The following ABCB11 variants were observed in gnomAD, a reference collection of about 807,000 sequenced individuals.
ABCB11 encodes bile salt export pump.
ABCB11 carries 95 observed loss-of-function variants against 148.0 expected under a neutral mutation model. The ratio of observed to expected loss-of-function variants is 0.64; its 90% CI spans 0.54 to 0.76. The LOEUF (loss-of-function observed/expected upper bound fraction) is 0.76, where lower values mean the gene tolerates loss of function less well. ABCB11 is among the 30% of genes least tolerant of loss of function. The probability of loss-of-function intolerance (pLI) is 0.00; values close to 1 mark genes in which losing one functional copy is unlikely to be tolerated. For missense variants in ABCB11, 1,523 were observed against 1,617.8 expected (o/e 0.94, Z 1.01); for synonymous variants, 591 against 555.4 (o/e 1.06, Z -0.90).
At chr2:169,015,859 G>A (rs116464384) in intron 3 of ABCB11, among the ~76,000 whole-genome samples, 3,612 of 152,064 alleles carry the variant, frequency 0.024, 69 homozygotes, top group African/African-American at 0.041. Flanking sequence ...TTCTATACCC[G>A]CAGCACCTAC....
chr2:168,953,838 G>C (rs116584854), intron 19 of ABCB11, among the ~76,000 whole-genome samples: 2 of 151,566 alleles, frequency 1.3e-5, no homozygotes, highest in Non-Finnish European at 3.0e-5. Context: ...CCTTTGGAGA[G>C]GCTAATCAGA....
chr2:168,983,876 C>T (rs1694220960), intron 10 of ABCB11, among the ~76,000 whole-genome samples: 2 of 152,128 alleles, frequency 1.3e-5, no homozygotes, highest in Admixed American at 6.6e-5. Context: ...TCCCTATTTA[C>T]TTGCAGGGCA....
At chr2:168,967,227 A>T (rs1421823436) in intron 17 of ABCB11, among the ~76,000 whole-genome samples, 1 of 151,880 alleles carries the variant, frequency 6.6e-6, no homozygotes, top group Non-Finnish European at 1.5e-5. Flanking sequence ...GGTGCCTATA[A>T]CATTGTTTTA....
Position 168,935,261 on chromosome 2 carries a change from A to C in ABCB11, c.2979T>G (p.Phe993Leu). 1.2e-6 allele frequency: 2 copies of C among 1,613,996 alleles called. No individual in the cohort carries two copies. The highest frequency in any genetic ancestry group is 1.7e-6 in the Non-Finnish European group (2 of 1,179,880). The change falls in exon 23 of 28, where the codon TTT becomes TTG. Residue 993 changes from phenylalanine to leucine, a missense_variant. Coordinates refer to ENST00000650372, the MANE Select transcript of ABCB11 (RefSeq NM_003742.4). ...FCFAFAQCIM[F>L]IANSASYRYG... ...ATCTGTAGGAAGCAGAATTCGCAAT[A>C]AACATGATGCACTGGGCAAAGGCAA...
chr2:168,917,390 G>T (rs1457352740), downstream of ABCB11, among the ~76,000 whole-genome samples: 1 of 152,086 alleles, frequency 6.6e-6, no homozygotes, highest in Admixed American at 6.5e-5. Flanking sequence ...AATCATAAAT[G>T]GTTCTTACAG....
At chr2:168,936,919 C>T (rs1691858838) in intron 21 of ABCB11, among the ~76,000 whole-genome samples, 1 of 152,024 alleles carries the variant, frequency 6.6e-6, no homozygotes, top group African/African-American at 2.4e-5. Flanking sequence ...GACAAGGTCT[C>T]ACTCTGTCAC....
chr2:169,011,292 G>T (rs1695179786), intron 5 of ABCB11, among the ~76,000 whole-genome samples: 2 of 152,114 alleles, frequency 1.3e-5, no homozygotes, highest in Non-Finnish European at 2.9e-5. Flanking sequence ...ACATAGGTCT[G>T]AATGCATTTT....
chr2:168,986,947 A>C (rs1347468873), intron 9 of ABCB11, among the ~76,000 whole-genome samples: 1 of 152,190 alleles, frequency 6.6e-6, no homozygotes, highest in Non-Finnish European at 1.5e-5. Context: ...AATTGAATTC[A>C]TGGAGAACTT....
At chr2:169,023,740 A>T (rs1695605654) in intron 1 of ABCB11, among the ~76,000 whole-genome samples, 1 of 152,216 alleles carries the variant, frequency 6.6e-6, no homozygotes, top group Admixed American at 6.5e-5. Context: ...ACGCAGTAGA[A>T]ATATAAAGAC....
intron 21 of ABCB11, among the ~76,000 whole-genome samples, chr2:168,939,089 T>TTGTC (rs5836213): frequency 6.6e-6 from 1 of 151,838 alleles, no homozygotes; most frequent in Non-Finnish European, 1.5e-5. Flanking sequence ...CTTTTTCTGT[T>TTGTC]GATGGATATT....
intron 27 of ABCB11, among the ~76,000 whole-genome samples, chr2:168,924,389 A>C (rs1322665472): frequency 6.6e-6 from 1 of 152,198 alleles, no homozygotes. Flanking sequence ...TTATTCAAGA[A>C]AGGTGATTAT....
chr2:168,929,407 A>G (rs1471998564), intron 25 of ABCB11, among the ~76,000 whole-genome samples: 1 of 152,182 alleles, frequency 6.6e-6, no homozygotes, highest in African/African-American at 2.4e-5. Context: ...GAATGCAAGA[A>G]AAAAAGAAAC....
At chr2:168,935,558 T>C in intron 22 of ABCB11, 133 bp from the exon 23 acceptor site, 1 of 1,228,654 alleles carries the variant, frequency 8.1e-7, no homozygotes, top group Non-Finnish European at 1.1e-6. Flanking sequence ...CATCTGGGAA[T>C]ACAAAGACGT....
At chr2:168,935,091 T>C (rs1054199112) in intron 23 of ABCB11, 93 bp downstream of exon 23, 54 of 1,511,618 alleles carry the variant, frequency 3.6e-5, no homozygotes, top group East Asian at 6.8e-5. Context: ...AAGCTTGGGA[T>C]GGTTTGCTAA....
intron 19 of ABCB11, among the ~76,000 whole-genome samples, chr2:168,956,087 T>C (rs1189421287): frequency 6.6e-6 from 1 of 151,666 alleles, no homozygotes. Flanking sequence ...AAACTTACAA[T>C]CATGGCAGAA....
At position 168,968,790 on chromosome 2, in the gene ABCB11, C is replaced by CA. The variant is rs4148788; in HGVS notation, c.2012-301dup. Reference sequence around the variant, plus strand: ...TTTAAGAGAAGTCCATCAGAAGTAGCAAAAAAAAAATGATAGAAACACTAA... The same window carrying CA: ...TTTAAGAGAAGTCCATCAGAAGTAGCAAAAAAAAAAATGATAGAAACACTAA... On this transcript the variant is annotated intron_variant, in intron 16 of 27. Transcript: ENST00000650372. 0.53 allele frequency among the ~76,000 whole-genome samples: 78,483 copies of CA among 148,182 alleles called. 20,870 individuals carry two copies. The highest frequency in any genetic ancestry group is 0.59 in the Non-Finnish European group (39,272 of 66,836).
At position 168,994,079 on chromosome 2, in the gene ABCB11, C is replaced by T. The variant is rs540744006; in HGVS notation, c.612-197G>A. Reference sequence around the variant, plus strand: ...TCAAGCCTCTTTCCTGATAGCCAATCAATTTTGTTCTTAATCTAGGTTTCC... The same window carrying T: ...TCAAGCCTCTTTCCTGATAGCCAATTAATTTTGTTCTTAATCTAGGTTTCC... On this transcript the variant is annotated intron_variant, in intron 7 of 27. Coordinates refer to ENST00000650372, the MANE Select transcript of ABCB11 (RefSeq NM_003742.4). Among the ~76,000 whole-genome samples, 3 of 152,124 alleles carry T rather than the reference C, an allele frequency of 2.0e-5. No homozygotes were observed. In the South Asian group the frequency reaches 6.2e-4, roughly 32 times the overall value.
At chr2:169,030,981 C>G (rs904958097) in intron 1 of ABCB11, among the ~76,000 whole-genome samples, 1 of 152,340 alleles carries the variant, frequency 6.6e-6, no homozygotes, top group East Asian at 1.9e-4. Flanking sequence ...CACTCTCTCT[C>G]TCTCTAAGAG....
intron 18 of ABCB11, among the ~76,000 whole-genome samples, chr2:168,959,237 C>T (rs1015396157): frequency 7.9e-5 from 12 of 151,676 alleles, no homozygotes; most frequent in African/African-American, 2.7e-4. Flanking sequence ...TTGGTACTAC[C>T]TCCACTTCAA....
Sources: allele counts gnomAD v4.1 joint callset (sites outside exome capture counted in the v4.1 genomes callset), GRCh38; gene constraint gnomAD v4.1.1; transcripts MANE v1.5; gene names NCBI Gene and HGNC (gene_info 2026-07-23, HGNC 2026-07-21).